The following ST6GALNAC3 variants were observed in gnomAD, a reference collection of about 807,000 sequenced individuals.
The protein encoded by ST6GALNAC3 is alpha-N-acetylgalactosaminide alpha-2,6-sialyltransferase 3.
In ST6GALNAC3, 25 loss-of-function variants were observed where a neutral mutation model predicts 32.7. The ratio of observed to expected loss-of-function variants is 0.76; its 90% CI spans 0.56 to 1.07. ST6GALNAC3 has a LOEUF of 1.07. Among genes scored for constraint, ST6GALNAC3 ranks in the 50% least tolerant of loss-of-function variants. The probability of loss-of-function intolerance (pLI) is 0.00; values close to 1 mark genes in which losing one functional copy is unlikely to be tolerated. For missense variants in ST6GALNAC3, 355 were observed against 382.4 expected, an observed-to-expected ratio of 0.93 and a Z score of 0.60; for synonymous variants, 129 against 133.1, an observed-to-expected ratio of 0.97 and a Z score of 0.21.
At chr1:76,154,485 C>T (rs1651263269) in intron 1 of ST6GALNAC3, among the ~76,000 whole-genome samples, 1 of 152,190 alleles carries the variant, frequency 6.6e-6, no homozygotes, top group African/African-American at 2.4e-5. Context: ...ATATTAGTGT[C>T]TGGAAACGCC....
intron 3 of ST6GALNAC3, among the ~76,000 whole-genome samples, chr1:76,459,343 T>C (rs928497926): frequency 3.3e-5 from 5 of 152,118 alleles, no homozygotes; most frequent in Non-Finnish European, 5.9e-5. Flanking sequence ...GGCAGGCGGA[T>C]CATGAGGTCA....
intron 3 of ST6GALNAC3, among the ~76,000 whole-genome samples, chr1:76,442,140 T>A (rs2101512009): frequency 6.6e-6 from 1 of 152,296 alleles, no homozygotes; most frequent in African/African-American, 2.4e-5. Context: ...TCAGTTGCAG[T>A]TTCCCCTTCC....
At chr1:76,561,788 C>T (rs1557573917) in intron 3 of ST6GALNAC3, among the ~76,000 whole-genome samples, 1 of 152,120 alleles carries the variant, frequency 6.6e-6, no homozygotes, top group Non-Finnish European at 1.5e-5. Flanking sequence ...AACACATCCA[C>T]ACAAAAACTT....
intron 3 of ST6GALNAC3, among the ~76,000 whole-genome samples, chr1:76,465,812 T>A (rs777096316): frequency 1.8e-4 from 28 of 152,060 alleles, no homozygotes; most frequent in Admixed American, 3.3e-4. Context: ...CAATGTTGCA[T>A]TTTCTTGGTT....
chr1:76,365,101 A>T (rs1244113667), intron 2 of ST6GALNAC3, among the ~76,000 whole-genome samples: 1 of 152,262 alleles, frequency 6.6e-6, no homozygotes, highest in African/African-American at 2.4e-5. Context: ...GGATTGGATA[A>T]AGAAAATGTG....
chr1:76,168,861 G>C (rs1423446885), intron 1 of ST6GALNAC3, among the ~76,000 whole-genome samples: 1 of 151,924 alleles, frequency 6.6e-6, no homozygotes. Flanking sequence ...CATAAGAGAT[G>C]GTCTCTTGAG....
At chr1:76,228,238 A>G (rs940617420) in intron 1 of ST6GALNAC3, among the ~76,000 whole-genome samples, 3 of 152,212 alleles carry the variant, frequency 2.0e-5, no homozygotes, top group African/African-American at 4.8e-5. Context: ...AATTTTAAGC[A>G]AAGTCCTGTG....
intron 1 of ST6GALNAC3, among the ~76,000 whole-genome samples, chr1:76,131,433 T>C (rs747351644): frequency 1.6e-4 from 25 of 152,180 alleles, no homozygotes; most frequent in Middle Eastern, 3.2e-3. Flanking sequence ...TTACAAGCCA[T>C]TCCACAGGAT....
chr1:76,395,619 A>G (rs1202287009), intron 2 of ST6GALNAC3, among the ~76,000 whole-genome samples: 1 of 152,120 alleles, frequency 6.6e-6, no homozygotes, highest in Non-Finnish European at 1.5e-5. Flanking sequence ...ACACGCACAC[A>G]CAGAGGAATA....
intron 3 of ST6GALNAC3, among the ~76,000 whole-genome samples, chr1:76,438,392 G>A (rs1656317126): frequency 6.6e-6 from 1 of 152,144 alleles, no homozygotes; most frequent in Admixed American, 6.5e-5. Context: ...ACCCGCCTCG[G>A]CCTCCCAAAG....
chr1:76,514,517 T>A (rs185355000), intron 3 of ST6GALNAC3, among the ~76,000 whole-genome samples: 44 of 152,170 alleles, frequency 2.9e-4, no homozygotes, highest in Admixed American at 1.8e-3. Flanking sequence ...TCTCAGTGAG[T>A]TCTCACTCTC....
intron 2 of ST6GALNAC3, among the ~76,000 whole-genome samples, chr1:76,400,092 C>G (rs1303786830): frequency 6.6e-6 from 1 of 151,768 alleles, no homozygotes; most frequent in Non-Finnish European, 1.5e-5. Context: ...TTGTTTTATT[C>G]CTCATTTTGA....
chr1:76,314,391 T>C (rs1483866106), intron 2 of ST6GALNAC3, among the ~76,000 whole-genome samples: 1 of 152,132 alleles, frequency 6.6e-6, no homozygotes, highest in African/African-American at 2.4e-5. Flanking sequence ...CAAAAATGCA[T>C]TTATACTCCT....
intron 3 of ST6GALNAC3, among the ~76,000 whole-genome samples, chr1:76,582,709 A>G (rs1302908696): frequency 6.6e-6 from 1 of 152,172 alleles, no homozygotes; most frequent in Non-Finnish European, 1.5e-5. Flanking sequence ...GAACAAAAAT[A>G]TGCTTTCTTA....
intron 1 of ST6GALNAC3, among the ~76,000 whole-genome samples, chr1:76,308,104 GAC>G (rs1254054122): frequency 6.6e-6 from 1 of 152,078 alleles, no homozygotes; most frequent in African/African-American, 2.4e-5. Flanking sequence ...TGGGCACAGT[GAC>G]ATTTTCTCAG....
chr1:76,477,425 CT>C (rs1659426149), intron 3 of ST6GALNAC3, among the ~76,000 whole-genome samples: 2 of 152,112 alleles, frequency 1.3e-5, no homozygotes, highest in African/African-American at 2.4e-5. Context: ...CACAGAGTTC[CT>C]TTTGGTTGGG....
chr1:76,227,517 C>T (rs1656142215), intron 1 of ST6GALNAC3, among the ~76,000 whole-genome samples: 1 of 152,146 alleles, frequency 6.6e-6, no homozygotes, highest in African/African-American at 2.4e-5. Flanking sequence ...AGACAGTTCT[C>T]AGTAAATCTT....
intron 2 of ST6GALNAC3, among the ~76,000 whole-genome samples, chr1:76,402,766 A>G (rs1170898073): frequency 6.6e-6 from 1 of 152,168 alleles, no homozygotes; most frequent in Non-Finnish European, 1.5e-5. Context: ...TAGAAATATA[A>G]GAGAACCTAG....
chr1:76,487,278 G>A (rs535378795), intron 3 of ST6GALNAC3, among the ~76,000 whole-genome samples: 9 of 152,216 alleles, frequency 5.9e-5, no homozygotes, highest in South Asian at 2.1e-4. Context: ...GGCCTGCCTC[G>A]CTAGGTTGGG....
Sources: gnomAD v4.1 joint callset for allele counts (sites outside exome capture counted in the v4.1 genomes callset) on GRCh38, gnomAD v4.1.1 for gene constraint, MANE v1.5 for transcripts, NCBI Gene and HGNC (gene_info 2026-07-23, HGNC 2026-07-21) for gene names.